The following ZFYVE28 variants were observed in gnomAD, a reference collection of about 807,000 sequenced individuals.
The protein encoded by ZFYVE28 is zinc finger FYVE-type containing 28, also known as lateral signaling target protein 2 homolog.
A neutral mutation model predicts 82.1 loss-of-function variants in ZFYVE28; 40 were observed. That is an observed-to-expected ratio of 0.49 (90% CI 0.38 to 0.63). The LOEUF (loss-of-function observed/expected upper bound fraction) is 0.63, where lower values mean the gene tolerates loss of function less well. ZFYVE28 is among the 30% of genes least tolerant of loss of function. The pLI, the probability that ZFYVE28 is intolerant of heterozygous loss-of-function variation, is 0.00. For synonymous variants in ZFYVE28, 612 were observed against 546.1 expected (o/e 1.12, Z -1.68); for missense variants, 1,321 against 1,242.1 (o/e 1.06, Z -0.96).
Position 2,399,531 on chromosome 4 carries a change from C to T in ZFYVE28, c.39+18754G>A, listed in dbSNP as rs555081527. 5.3e-5 allele frequency among the ~76,000 whole-genome samples: 8 copies of T among 152,320 alleles called. No individual in the cohort carries two copies. In the South Asian group the frequency reaches 1.7e-3, roughly 32 times the overall value. ...GCCGGGGCCTCTGACATCTGGTTTT[C>T]TGCCAAGTCCCAAGCTCAAAGCCTG... is the stretch of plus-strand genomic sequence containing the variant. On this transcript the variant is annotated intron_variant, in intron 1 of 12. Coordinates refer to ENST00000290974, the MANE Select transcript of ZFYVE28 (RefSeq NM_020972.3).
intron 1 of ZFYVE28, among the ~76,000 whole-genome samples, chr4:2,369,783 G>A (rs1727296988): frequency 6.6e-6 from 1 of 151,402 alleles, no homozygotes; most frequent in Admixed American, 6.6e-5. Flanking sequence ...AACCAGTGCT[G>A]CCCACACCAC....
At chr4:2,344,914 A>AAAAAACT (rs1182445432) in intron 2 of ZFYVE28, among the ~76,000 whole-genome samples, 2 of 151,750 alleles carry the variant, frequency 1.3e-5, no homozygotes. Flanking sequence ...AACAAAAAAC[A>AAAAAACT]AAAACAAAAC....
At chr4:2,376,661 G>T (rs572960247) in intron 1 of ZFYVE28, among the ~76,000 whole-genome samples, 3 of 152,246 alleles carry the variant, frequency 2.0e-5, no homozygotes, top group East Asian at 1.9e-4. Context: ...AGACGAGCAT[G>T]GGGGGAACTG....
At chr4:2,278,929 TCC>T (rs35053913) in intron 8 of ZFYVE28, among the ~76,000 whole-genome samples, 6,896 of 144,024 alleles carry the variant, frequency 0.048, 339 homozygotes, top group African/African-American at 0.11. Context: ...ATTAGAATGT[TCC>T]CCCCCCCCTC....
At chr4:2,399,256 T>TG (rs955895994) in intron 1 of ZFYVE28, among the ~76,000 whole-genome samples, 8 of 151,726 alleles carry the variant, frequency 5.3e-5, no homozygotes, top group Admixed American at 2.0e-4. Flanking sequence ...AGCCCTGCAT[T>TG]GGGGGGTGCA....
chr4:2,304,691 T>C lies in ZFYVE28; in HGVS notation c.1649A>G (p.His550Arg). 3.7e-6 allele frequency: 6 copies of C among 1,612,596 alleles called. No individual in the cohort carries two copies. Among genetic ancestry groups the C allele is most frequent in the Non-Finnish European group, 5.1e-6 (6 of 1,179,874 alleles). The stretch of plus-strand genomic sequence containing the variant: ...GTTGGTGGCCCCAGTGCTAAGCTTG[T>C]GGGGGCCGCCATCCATCCCCTCGGC... ...PVAEGMDGGP[H>R]KLSTGATNCL... Residue 550 changes from histidine to arginine, a missense_variant, in exon 8 of 13, where the codon CAC becomes CGC. Coordinates refer to ENST00000290974, the MANE Select transcript of ZFYVE28 (RefSeq NM_020972.3).
chr4:2,326,352 G>A (rs1719850749), intron 6 of ZFYVE28, among the ~76,000 whole-genome samples: 1 of 152,114 alleles, frequency 6.6e-6, no homozygotes, highest in Admixed American at 6.6e-5. Flanking sequence ...AATTAGTTGG[G>A]TTCATTTCTG....
In ZFYVE28 at chr4:2,341,451, C is replaced by T. The variant is rs1352770843; in HGVS notation, c.318+27G>A. On this transcript the variant is annotated intron_variant, in intron 3 of 12. Coordinates refer to ENST00000290974, the MANE Select transcript of ZFYVE28 (RefSeq NM_020972.3). This position sits in a 1 kb window ranked among gnomAD's most constrained non-coding sequence, Gnocchi z 4.5. ...GCTAGACGCCACCCCACATCAGGACCTCCGAACCCGGGTGGCCACCCGCTA... is the reference window on the plus strand; with the variant it reads ...GCTAGACGCCACCCCACATCAGGACTTCCGAACCCGGGTGGCCACCCGCTA... The T allele has an allele frequency of 1.2e-6, 2 of 1,610,952 alleles. No individual in the cohort carries two copies. The highest frequency in any genetic ancestry group is 1.7e-6 in the Non-Finnish European group (2 of 1,179,510).
At chr4:2,317,284 G>A (rs913494233) in intron 7 of ZFYVE28, among the ~76,000 whole-genome samples, 5 of 152,114 alleles carry the variant, frequency 3.3e-5, no homozygotes, top group South Asian at 2.1e-4. Flanking sequence ...CACTGTGCCC[G>A]GCCAACATTT....
intron 1 of ZFYVE28, among the ~76,000 whole-genome samples, chr4:2,386,935 C>A (rs536433196): frequency 3.3e-5 from 5 of 152,358 alleles, no homozygotes; most frequent in African/African-American, 1.2e-4. Flanking sequence ...CCAGTCTTGT[C>A]TGGAAAGAAA....
At chr4:2,284,243 C>T (rs1017077453) in intron 8 of ZFYVE28, among the ~76,000 whole-genome samples, 4 of 152,290 alleles carry the variant, frequency 2.6e-5, no homozygotes, top group South Asian at 4.1e-4. Context: ...CATTTCCCAC[C>T]GTGATAAAGG....
chr4:2,282,350 CTG>C (rs1206837029), intron 8 of ZFYVE28, among the ~76,000 whole-genome samples: 1 of 152,242 alleles, frequency 6.6e-6, no homozygotes, highest in Non-Finnish European at 1.5e-5. Flanking sequence ...GCTGCCCAGC[CTG>C]TGTCTTCAGC....
intron 8 of ZFYVE28, among the ~76,000 whole-genome samples, chr4:2,296,714 G>C (rs1304092319): frequency 2.6e-5 from 4 of 152,136 alleles, no homozygotes; most frequent in Admixed American, 2.0e-4. Context: ...GTGAGGGGGA[G>C]GGGAGGCCCG....
At chr4:2,396,891 C>G (rs1163677969) in intron 1 of ZFYVE28, among the ~76,000 whole-genome samples, 2 of 152,156 alleles carry the variant, frequency 1.3e-5, no homozygotes, top group Non-Finnish European at 2.9e-5. Context: ...CACGGAGTCA[C>G]TGGGGGGTCC....
At chr4:2,346,165 A>T (rs58893146) in intron 2 of ZFYVE28, among the ~76,000 whole-genome samples, 1 of 6,658 alleles carries the variant, frequency 1.5e-4, no homozygotes, top group Admixed American at 2.3e-3. Context: ...CGTCTCTACT[A>T]AAAAAAAAAA....
In ZFYVE28 at chr4:2,308,670, AAAGAAAGAGAAAG is replaced by A. The variant is rs1238731187; in HGVS notation, c.804-3147_804-3135del. Reference sequence around the variant, plus strand: ...GAAAGAAAGAAAGAAAGAAAGAAAGAAAGAAAGAGAAAGAAAGAAAAGAAAAGAAAAGAAAAAA... The same window carrying A: ...GAAAGAAAGAAAGAAAGAAAGAAAGAAAAGAAAAGAAAAGAAAAGAAAAAA... On this transcript the variant is annotated intron_variant, in intron 7 of 12. Coordinates refer to ENST00000290974, the MANE Select transcript of ZFYVE28 (RefSeq NM_020972.3). 2.5e-3 allele frequency among the ~76,000 whole-genome samples: 285 copies of A among 112,722 alleles called. 1 individual carries two copies. Among genetic ancestry groups the A allele is most frequent in the African/African-American group, 6.7e-3 (187 of 27,826 alleles). The allele number at this position is 112,722 out of a possible 152,430, so 74.0% of individuals were successfully genotyped here. A position where few individuals can be genotyped will look rare whatever the true frequency, so the allele number is the denominator to read the frequency against.
At chr4:2,395,963 G>T (rs1302619184) in intron 1 of ZFYVE28, among the ~76,000 whole-genome samples, 3 of 152,236 alleles carry the variant, frequency 2.0e-5, no homozygotes, top group African/African-American at 7.2e-5. Context: ...GACATTGCCT[G>T]TGTCCCCTGG....
At chr4:2,363,985 G>A (rs1026519965) in intron 1 of ZFYVE28, among the ~76,000 whole-genome samples, 3 of 152,156 alleles carry the variant, frequency 2.0e-5, no homozygotes, top group Admixed American at 6.5e-5. Context: ...CCTGTGACCC[G>A]GTTTCCCTGC....
intron 8 of ZFYVE28, among the ~76,000 whole-genome samples, chr4:2,291,339 G>A (rs958360690): frequency 6.6e-6 from 1 of 152,202 alleles, no homozygotes; most frequent in Non-Finnish European, 1.5e-5. Context: ...GGAGGAAAAC[G>A]ACCCCTTGAG....
Sources: gnomAD v4.1 joint callset for allele counts (sites outside exome capture counted in the v4.1 genomes callset) on GRCh38, gnomAD v4.1.1 for gene constraint, Gnocchi (gnomAD v3.1) non-coding constraint, MANE v1.5 for transcripts, NCBI Gene and HGNC (gene_info 2026-07-23, HGNC 2026-07-21) for gene names.